Variants in NLGN4X observed in about 807,000 individuals in gnomAD.
NLGN4X encodes neuroligin-4, X-linked.
In NLGN4X, 3 loss-of-function variants were observed where a neutral mutation model predicts 40.3. The observed-to-expected ratio is 0.07, with a 90% CI of 0.03 to 0.19. The LOEUF (loss-of-function observed/expected upper bound fraction) is 0.19. NLGN4X is among the 10% of genes least tolerant of loss of function. The probability of loss-of-function intolerance (pLI) is 1.00; values close to 1 mark genes in which losing one functional copy is unlikely to be tolerated. For missense variants in NLGN4X, 382 were observed against 708.3 expected (o/e 0.54, Z 5.23); for synonymous variants, 270 against 306.8 (o/e 0.88, Z 1.25).
chrX:6,164,244 A>C (rs1322061550), intron 1 of NLGN4X, among the ~76,000 whole-genome samples: 3 of 112,767 alleles, frequency 2.7e-5, no homozygotes, highest in Non-Finnish European at 5.6e-5. Flanking sequence ...GCAATTTAGC[A>C]AACAAAATAA....
At chrX:5,939,632 T>C (rs1175461849) in intron 3 of NLGN4X, among the ~76,000 whole-genome samples, 1 of 112,058 alleles carries the variant, frequency 8.9e-6, no homozygotes, top group Non-Finnish European at 1.9e-5. Flanking sequence ...TATAAAAATA[T>C]GTGTAAGATA....
At chrX:6,164,530 T>C (rs777234319) in intron 1 of NLGN4X, among the ~76,000 whole-genome samples, 6 of 112,242 alleles carry the variant, frequency 5.3e-5, no homozygotes, top group African/African-American at 1.9e-4. Flanking sequence ...ATGTGGACAG[T>C]TGGAGGTTAA....
chrX:6,100,401 T>C (rs374778959), intron 2 of NLGN4X, among the ~76,000 whole-genome samples: 1 of 112,589 alleles, frequency 8.9e-6, no homozygotes, highest in East Asian at 2.8e-4. Flanking sequence ...CTGTATAAAA[T>C]GTGAAAATGT....
chrX:5,973,333 T>C (rs935495487), intron 3 of NLGN4X, among the ~76,000 whole-genome samples: 1 of 112,537 alleles, frequency 8.9e-6, no homozygotes, highest in Admixed American at 9.4e-5. Flanking sequence ...ACAGAAACCA[T>C]GTGGCTCACA....
At chrX:6,076,575 G>T (rs1294336609) in intron 2 of NLGN4X, among the ~76,000 whole-genome samples, 1 of 112,157 alleles carries the variant, frequency 8.9e-6, no homozygotes, top group Non-Finnish European at 1.9e-5. Context: ...TAGCAGCTAA[G>T]TAAGAGCAAC....
intron 2 of NLGN4X, among the ~76,000 whole-genome samples, chrX:6,040,397 T>G (rs1039994697): frequency 1.8e-5 from 2 of 111,843 alleles, no homozygotes; most frequent in Non-Finnish European, 3.8e-5. Context: ...TTTTATTGAT[T>G]TTTAATTATC....
At chrX:6,078,033 C>T (rs1161518560) in intron 2 of NLGN4X, among the ~76,000 whole-genome samples, 1 of 111,758 alleles carries the variant, frequency 8.9e-6, no homozygotes, top group Non-Finnish European at 1.9e-5. Context: ...GACCCTTTCA[C>T]ATAATTAAAA....
chrX:6,176,970 C>T (rs1920963704), intron 1 of NLGN4X, among the ~76,000 whole-genome samples: 1 of 111,933 alleles, frequency 8.9e-6, no homozygotes, highest in Admixed American at 9.5e-5. Flanking sequence ...AGAAACGCTA[C>T]ATAACTGTCA....
At chrX:6,196,551 C>CAAAAAAAAAAAAAAAAAA (rs374097705) in intron 1 of NLGN4X, among the ~76,000 whole-genome samples, 2 of 23,323 alleles carry the variant, frequency 8.6e-5, no homozygotes, top group Admixed American at 7.3e-4. Flanking sequence ...GACTCTGTCT[C>CAAAAAAAAAAAAAAAAAA]AAAAAAAAAA....
intron 3 of NLGN4X, among the ~76,000 whole-genome samples, chrX:5,966,222 A>C (rs770689507): frequency 2.6e-4 from 29 of 112,690 alleles, no homozygotes; most frequent in African/African-American, 9.3e-4. Flanking sequence ...CAGTGAGAGC[A>C]ATATTAAAGA....
At chrX:6,200,744 T>C (rs1380898607) in intron 1 of NLGN4X, among the ~76,000 whole-genome samples, 1 of 92,239 alleles carries the variant, frequency 1.1e-5, no homozygotes, top group African/African-American at 4.3e-5. Flanking sequence ...TGGAGTGCAA[T>C]GGTGCAATCC....
At chrX:6,050,877 A>G (rs767493241) in intron 2 of NLGN4X, among the ~76,000 whole-genome samples, 13 of 111,129 alleles carry the variant, frequency 1.2e-4, no homozygotes, top group Non-Finnish European at 2.1e-4. Flanking sequence ...ATCTTCTCTA[A>G]TGATTGAGTA....
chrX:5,941,713 G>C (rs2033951172), intron 3 of NLGN4X, among the ~76,000 whole-genome samples: 1 of 112,259 alleles, frequency 8.9e-6, no homozygotes. Context: ...GAAAACTGAT[G>C]AAGGAAAAAA....
chrX:5,908,316 T>C (rs1418420307), intron 4 of NLGN4X, among the ~76,000 whole-genome samples: 1 of 110,478 alleles, frequency 9.1e-6, no homozygotes, highest in Non-Finnish European at 1.9e-5. Context: ...CCAGACGTGT[T>C]TCAATATTTC....
intron 2 of NLGN4X, among the ~76,000 whole-genome samples, chrX:6,144,649 C>T (rs1200425477): frequency 3.6e-5 from 4 of 111,321 alleles, no homozygotes. Flanking sequence ...CAGCAATGTC[C>T]AGGTATCTCT....
intron 3 of NLGN4X, among the ~76,000 whole-genome samples, chrX:5,910,665 G>A (rs1409494835): frequency 1.8e-5 from 2 of 111,429 alleles, no homozygotes; most frequent in African/African-American, 6.5e-5. Flanking sequence ...TTTCTTCCAT[G>A]AGCTTTCCTG....
intron 3 of NLGN4X, among the ~76,000 whole-genome samples, chrX:5,911,211 C>T (rs1008332710): frequency 9.0e-6 from 1 of 111,705 alleles, no homozygotes; most frequent in Non-Finnish European, 1.9e-5. Flanking sequence ...TCTAACAGAA[C>T]GATTCTGTCT....
intron 3 of NLGN4X, among the ~76,000 whole-genome samples, chrX:5,998,472 T>C (rs934490703): frequency 3.1e-4 from 34 of 111,450 alleles, no homozygotes; most frequent in African/African-American, 1.1e-3. Context: ...CTATGGTTCC[T>C]TTAAGAAAAC....
intron 3 of NLGN4X, among the ~76,000 whole-genome samples, chrX:5,964,797 G>T (rs145304538): frequency 0.046 from 5,175 of 111,930 alleles, 120 homozygotes; most frequent in Non-Finnish European, 0.07. Context: ...GGGATTACAG[G>T]CATATGCCAC....
Sources: allele counts gnomAD v4.1 joint callset (sites outside exome capture counted in the v4.1 genomes callset), GRCh38; gene constraint gnomAD v4.1.1; transcripts MANE v1.5; gene names NCBI Gene and HGNC (gene_info 2026-07-23, HGNC 2026-07-21).